The following HTR3E variants were observed in gnomAD, a reference collection of about 807,000 sequenced individuals.
The protein encoded by HTR3E is 5-hydroxytryptamine (serotonin) receptor 3, family member E.
In HTR3E, 38 loss-of-function variants were observed where a neutral mutation model predicts 38.0. That is an observed-to-expected ratio of 1.00 (90% confidence interval 0.77 to 1.31). The LOEUF is 1.31. Among genes scored for constraint, HTR3E ranks in the 50% most tolerant of loss-of-function variants. The probability of loss-of-function intolerance (pLI) is 0.00; values close to 1 mark genes in which losing one functional copy is unlikely to be tolerated. For synonymous variants in HTR3E, 210 were observed against 232.9 expected, an observed-to-expected ratio of 0.90 and a Z score of 0.89; for missense variants, 547 against 585.2, an observed-to-expected ratio of 0.93 and a Z score of 0.67.
intron 1 of HTR3E, among the ~76,000 whole-genome samples, chr3:184,099,575 G>C (rs372230088): frequency 6.6e-6 from 1 of 150,912 alleles, no homozygotes; most frequent in African/African-American, 2.4e-5. Flanking sequence ...TTAGCCGGGC[G>C]CGGTGGCGGG....
Position 184,104,926 on chromosome 3 carries a change from A to G in HTR3E, c.529A>G (p.Thr177Ala). 3 of 1,614,042 alleles carry G rather than the reference A, an allele frequency of 1.9e-6. No individual in the cohort carries two copies. The highest frequency in any genetic ancestry group is 2.2e-5 in the East Asian group (1 of 44,872). Residue 177 changes from threonine (T) to alanine (A), a missense_variant, in exon 5 of 9, where the codon ACA (threonine) becomes GCA (alanine). Coordinates refer to ENST00000415389, the MANE Select transcript of HTR3E (RefSeq NM_001256613.2). ...FYFPFDQQNC[T>A]LTFSSFLYTV... Reference sequence around the variant, plus strand: ...CTTCCCCTTCGACCAGCAGAACTGCACACTCACCTTCAGCTCATTCCTCTA... The same window carrying G: ...CTTCCCCTTCGACCAGCAGAACTGCGCACTCACCTTCAGCTCATTCCTCTA...
Position 184,101,494 on chromosome 3 carries a change from C to G in HTR3E, c.244C>G (p.Leu82Val). The G allele has an allele frequency of 6.2e-7, 1 of 1,613,812 alleles. No homozygotes were observed. Among genetic ancestry groups the G allele is most frequent in the Non-Finnish European group, 8.5e-7 (1 of 1,179,676 alleles). ...MSAILDVNEQ[L>V]HLLSSFLWLE... ...GAAATTCTTTTGGCAGAATGAACAG[C>G]TGCACCTCTTGTCATCATTCCTGTG... Residue 82 changes from leucine to valine, a missense_variant, in exon 3 of 9, where the codon CTG (leucine) becomes GTG (valine). Transcript: ENST00000415389.
Position 184,097,353 on chromosome 3 carries a change from C to G in HTR3E, c.-177C>G, listed in dbSNP as rs756874168. ...ATAAAGTCTTAAAAGCAGACTGAAC[C>G]TTAAGCATAGGCAAGAACAAGACAA... is the stretch of plus-strand genomic sequence containing the variant. On this transcript the variant is annotated 5_prime_UTR_variant, in exon 1 of 9. Transcript: ENST00000415389. 1.7e-6 allele frequency: 1 copy of G among 589,364 alleles called. No individual in the cohort carries two copies. Among genetic ancestry groups the G allele is most frequent in the Non-Finnish European group, 3.0e-6 (1 of 332,116 alleles). 36.5% of individuals were successfully genotyped at this position (589,364 alleles called of 1,614,324 possible). A position where few individuals can be genotyped will look rare whatever the true frequency, so the allele number is the denominator to read the frequency against.
In HTR3E at chr3:184,105,112, G is replaced by A. The variant is rs1031772122; in HGVS notation, c.560-155G>A. ...TTCCATAAAGGCAGAACCCAAGTCTGTCTTGTTCCTTACCATCCCAAGCTC... is the reference window on the plus strand; with the variant it reads ...TTCCATAAAGGCAGAACCCAAGTCTATCTTGTTCCTTACCATCCCAAGCTC... On this transcript the variant is annotated intron_variant, in intron 5 of 8. Coordinates refer to ENST00000415389, the MANE Select transcript of HTR3E (RefSeq NM_001256613.2). The A allele has an allele frequency of 1.6e-5, 18 of 1,160,224 alleles. No individual in the cohort carries two copies. In the East Asian group the frequency reaches 4.1e-4, roughly 26 times the overall value. The allele number at this position is 1,160,224 out of a possible 1,614,324, so 71.9% of individuals were successfully genotyped here.
chr3:184,102,787 T>C (rs893286379), intron 3 of HTR3E, among the ~76,000 whole-genome samples: 3 of 151,836 alleles, frequency 2.0e-5, no homozygotes, highest in Non-Finnish European at 4.4e-5. Context: ...TAGCCAGGCA[T>C]GGTGACATGT....
Position 184,100,649 on chromosome 3 carries a change from G to A in HTR3E, c.232G>A (p.Val78Met), listed in dbSNP as rs756522637. 1.2e-6 allele frequency: 2 copies of A among 1,613,604 alleles called. No individual in the cohort carries two copies. Among genetic ancestry groups the A allele is most frequent in the African/African-American group, 1.3e-5 (1 of 74,868 alleles). Residue 78 changes from valine to methionine, a missense_variant and splice_region_variant, in exon 2 of 9, where the codon GTG (valine) becomes ATG (methionine). Physicochemically the swap from Val to Met is conservative, Grantham distance 21. Coordinates refer to ENST00000415389, the MANE Select transcript of HTR3E (RefSeq NM_001256613.2). ...ISFAMSAILDVNEQLHLLSSF... is the reference protein window; with the variant it reads ...ISFAMSAILDMNEQLHLLSSF... ...CTTCGCGATGTCTGCCATCCTAGATGTGGTGAGTGCTGACCTCTCTAGCCC... is the reference window on the plus strand; with the variant it reads ...CTTCGCGATGTCTGCCATCCTAGATATGGTGAGTGCTGACCTCTCTAGCCC...
At chr3:184,099,860 C>A (rs1711908366) in intron 1 of HTR3E, among the ~76,000 whole-genome samples, 1 of 152,028 alleles carries the variant, frequency 6.6e-6, no homozygotes, top group Admixed American at 6.6e-5. Flanking sequence ...AAGGTTGGGG[C>A]AGTCGGGGTG....
In HTR3E at chr3:184,104,224, G is replaced by C. The variant is rs777910991; in HGVS notation, c.322G>C (p.Glu108Gln). 9 of 1,613,174 alleles carry C rather than the reference G, an allele frequency of 5.6e-6. No individual in the cohort carries two copies. Among genetic ancestry groups the C allele is most frequent in the Non-Finnish European group, 6.8e-6 (8 of 1,179,668 alleles). The change falls in exon 4 of 9, where the codon GAG (glutamate) becomes CAG (glutamine). Residue 108 changes from glutamate to glutamine, a missense_variant. By Grantham distance (29) the Glu-to-Gln change is conservative. Transcript: ENST00000415389. ...PFISWNPEEC[E>Q]GITKMSMAAK... ...TATCAGCTGGAACCCAGAGGAATGT[G>C]AGGGCATCACGAAGATGAGTATGGC...
chr3:184,105,586 C>T (rs1249474668), intron 6 of HTR3E, among the ~76,000 whole-genome samples, 159 bp downstream of exon 6: 1 of 152,214 alleles, frequency 6.6e-6, no homozygotes, highest in East Asian at 1.9e-4. Context: ...AGGGCTCTGG[C>T]CTAACTGTCT....
intron 2 of HTR3E, 130 bp downstream of exon 2, chr3:184,100,781 T>C: frequency 7.5e-7 from 1 of 1,334,688 alleles, no homozygotes; most frequent in Non-Finnish European, 1.0e-6. Flanking sequence ...TTGCCTGGCA[T>C]GGGGATCTCA....
intron 1 of HTR3E, among the ~76,000 whole-genome samples, chr3:184,098,338 A>C (rs1711773475): frequency 6.6e-6 from 1 of 152,326 alleles, no homozygotes; most frequent in East Asian, 1.9e-4. Context: ...GGTTGTGAGG[A>C]TTCAGTAAGA....
At chr3:184,104,065 G>T in intron 3 of HTR3E, 117 bp from the exon 4 acceptor site, 7 of 607,734 alleles carry the variant, frequency 1.2e-5, no homozygotes, top group South Asian at 3.7e-5. Flanking sequence ...TAAATACATA[G>T]ATGTTTGTCA....
chr3:184,101,595 T>A, intron 3 of HTR3E, 66 bp downstream of exon 3: 1 of 1,302,914 alleles, frequency 7.7e-7, no homozygotes, highest in Non-Finnish European at 1.1e-6. Flanking sequence ...GAAGATATAA[T>A]AATTATGAAT....
In HTR3E at chr3:184,101,530, G is replaced by A. The variant is rs778210078; in HGVS notation, c.279+1G>A. 1.2e-6 allele frequency: 2 copies of A among 1,609,902 alleles called. No homozygotes were observed. The highest frequency in any genetic ancestry group is 1.7e-6 in the Non-Finnish European group (2 of 1,176,120). ...GTCATCATTCCTGTGGCTGGAAATG[G>A]TATGGACAACACTTTATTCTCTCCC... On this transcript the variant is annotated splice_donor_variant, in intron 3 of 8. Coordinates refer to ENST00000415389, the MANE Select transcript of HTR3E (RefSeq NM_001256613.2). LOFTEE classifies it high-confidence loss of function.
At position 184,100,646 on chromosome 3, in the gene HTR3E, G is replaced by T. The variant is rs753088000; in HGVS notation, c.229G>T (p.Asp77Tyr). 4 of 1,613,664 alleles carry T rather than the reference G, an allele frequency of 2.5e-6. No homozygotes were observed. In the African/African-American group the frequency reaches 5.3e-5, roughly 22 times the overall value. ...CTCCTTCGCGATGTCTGCCATCCTA[G>T]ATGTGGTGAGTGCTGACCTCTCTAG... ...NISFAMSAIL[D>Y]VNEQLHLLSS... is the part of the protein sequence containing the mutation. The change falls in exon 2 of 9, where the codon GAT (aspartate) becomes TAT (tyrosine). Residue 77 changes from aspartate (D) to tyrosine (Y), a missense_variant. Physicochemically the swap from Asp to Tyr is radical, Grantham distance 160 (BLOSUM62 -3). Transcript: ENST00000415389.
At position 184,105,966 on chromosome 3, in the gene HTR3E, A is replaced by G; in HGVS notation, c.922A>G (p.Ile308Val). 6.2e-7 allele frequency: 1 copy of G among 1,613,888 alleles called. No homozygotes were observed. The highest frequency in any genetic ancestry group is 8.5e-7 in the Non-Finnish European group (1 of 1,179,900). The change falls in exon 7 of 9, where the codon ATC becomes GTC. Residue 308 changes from isoleucine (I) to valine (V), a missense_variant. Coordinates refer to ENST00000415389, the MANE Select transcript of HTR3E (RefSeq NM_001256613.2). ...GCTCCCCACCAGTGGCACCCCCCTC[A>G]TCGGTATGGCTCCTCCCACCTTTTG... is the stretch of plus-strand genomic sequence containing the variant. ...DLLPTSGTPL[I>V]GVYFALCLSL...
At chr3:184,101,229 G>A (rs1271783836) in intron 2 of HTR3E, among the ~76,000 whole-genome samples, 3 of 152,142 alleles carry the variant, frequency 2.0e-5, no homozygotes, top group East Asian at 1.9e-4. Context: ...GAGCCACCGC[G>A]CCCGGCCACA....
intron 2 of HTR3E, among the ~76,000 whole-genome samples, chr3:184,101,047 G>A (rs943590530): frequency 6.6e-5 from 10 of 152,124 alleles, no homozygotes; most frequent in African/African-American, 1.9e-4. Flanking sequence ...GGGCTCAAGC[G>A]ATTCTCCTGC....
rs761729692 is a variant in HTR3E at position 184,105,748 on chromosome 3, C to T, written c.721-17C>T. ...TCTGACCCCATAACTACTTACCACC[C>T]TCTCCTACCCCACCAGGTGGCCATC... On this transcript the variant is annotated splice_polypyrimidine_tract_variant and intron_variant, in intron 6 of 8. Coordinates refer to ENST00000415389, the MANE Select transcript of HTR3E (RefSeq NM_001256613.2). 2 of 1,600,400 alleles carry T rather than the reference C, an allele frequency of 1.2e-6. No homozygotes were observed. The highest frequency in any genetic ancestry group is 1.7e-6 in the Non-Finnish European group (2 of 1,167,838).
Sources: allele counts gnomAD v4.1 joint callset (sites outside exome capture counted in the v4.1 genomes callset), GRCh38; gene constraint gnomAD v4.1.1; transcripts MANE v1.5; gene names NCBI Gene and HGNC (gene_info 2026-07-23, HGNC 2026-07-21).